TMEM117: variants seen among roughly 807,000 people sequenced by gnomAD.
TMEM117 encodes transmembrane protein 117.
In TMEM117, 27 loss-of-function variants were observed where a neutral mutation model predicts 52.4. That is an observed-to-expected ratio of 0.51 (90% CI 0.38 to 0.71). The LOEUF is 0.71. Among genes scored for constraint, TMEM117 ranks in the 30% least tolerant of loss-of-function variants. TMEM117 has a pLI of 0.00. For missense variants in TMEM117, 556 were observed against 630.5 expected (o/e 0.88, Z 1.26); for synonymous variants, 215 against 206.3 (o/e 1.04, Z -0.36).
intron 4 of TMEM117, among the ~76,000 whole-genome samples, chr12:44,161,527 G>C (rs1260105653): frequency 6.6e-6 from 1 of 152,164 alleles, no homozygotes; most frequent in East Asian, 1.9e-4. Context: ...CACCTTATAA[G>C]AGTTTTGCTA....
intron 6 of TMEM117, among the ~76,000 whole-genome samples, chr12:44,374,616 TTGTG>T (rs5742462): frequency 0.018 from 2,675 of 144,868 alleles, 22 homozygotes; most frequent in African/African-American, 0.032. Context: ...AAGGAACTAT[TTGTG>T]TGTGTGTGTG....
chr12:44,171,655 ACC>A (rs1949048474), intron 4 of TMEM117, among the ~76,000 whole-genome samples: 1 of 152,114 alleles, frequency 6.6e-6, no homozygotes, highest in African/African-American at 2.4e-5. Context: ...AAATCGTTTT[ACC>A]CATTCAGTGG....
At chr12:44,322,348 A>T (rs904354376) in intron 6 of TMEM117, among the ~76,000 whole-genome samples, 4 of 152,198 alleles carry the variant, frequency 2.6e-5, no homozygotes, top group Non-Finnish European at 4.4e-5. Flanking sequence ...ATGATAGAAC[A>T]TCTTTTTAAA....
rs76229168 is a variant in TMEM117, at chr12:43,957,594, A to G, written c.410+13252A>G. ...GTACCCTGAACCAGTCTATTTAGAA[A>G]TTATTTATTTGGTATTAATAAAGAG... On this transcript the variant is annotated intron_variant, in intron 3 of 7. Transcript: ENST00000266534. Among the ~76,000 whole-genome samples the G allele has an allele frequency of 2.2e-4, 33 of 152,294 alleles. 1 individual carries two copies. The East Asian group carries it at 5.6e-3, about 26-fold the overall frequency.
At chr12:44,167,815 A>G (rs1948989443) in intron 4 of TMEM117, among the ~76,000 whole-genome samples, 2 of 152,182 alleles carry the variant, frequency 1.3e-5, no homozygotes, top group African/African-American at 4.8e-5. Context: ...CACAGTTCTG[A>G]GGTCTGCATT....
Position 43,839,305 on chromosome 12 carries a change from C to T in TMEM117, c.-29+3109C>T, listed in dbSNP as rs552041704. On this transcript the variant is annotated intron_variant, in intron 1 of 7. Transcript: ENST00000266534. ...TGTGTCCCTCCTCTGCTTCCTGTCC[C>T]ACTCAGGGTGAAAGCCCACATACGA... 2.6e-5 allele frequency among the ~76,000 whole-genome samples: 4 copies of T among 152,278 alleles called. No individual in the cohort carries two copies. The East Asian group carries it at 7.7e-4, about 29-fold the overall frequency.
intron 3 of TMEM117, among the ~76,000 whole-genome samples, chr12:44,129,351 C>A (rs1015996232): frequency 1.3e-5 from 2 of 152,178 alleles, no homozygotes; most frequent in African/African-American, 4.8e-5. Flanking sequence ...TCAGGTCTTT[C>A]ACAAGAAGCC....
chr12:43,831,332 T>A (rs1472904733), upstream of TMEM117, among the ~76,000 whole-genome samples: 3 of 152,226 alleles, frequency 2.0e-5, no homozygotes, highest in African/African-American at 7.2e-5. Flanking sequence ...AGGTTACTGA[T>A]GATTACACCT....
chr12:44,093,397 T>TA (rs1277358263), intron 3 of TMEM117, among the ~76,000 whole-genome samples: 1 of 152,194 alleles, frequency 6.6e-6, no homozygotes, highest in Non-Finnish European at 1.5e-5. Context: ...GAAATGTTTT[T>TA]AACCTGTTTT....
chr12:43,997,582 A>G (rs923364425), intron 3 of TMEM117, among the ~76,000 whole-genome samples: 6 of 152,220 alleles, frequency 3.9e-5, no homozygotes, highest in South Asian at 2.1e-4. Context: ...TCTAAAAATA[A>G]GAACACCTTA....
intron 2 of TMEM117, among the ~76,000 whole-genome samples, chr12:43,864,093 G>A (rs1162199072): frequency 6.6e-6 from 1 of 152,188 alleles, no homozygotes; most frequent in Non-Finnish European, 1.5e-5. Flanking sequence ...CACCAGCGCT[G>A]CGCTGGATTT....
In TMEM117 at chr12:44,189,742, T is replaced by A. The variant is rs1643430; in HGVS notation, c.511-21548T>A. Among the ~76,000 whole-genome samples the A allele has an allele frequency of 5.3e-3, 800 of 152,284 alleles. 3 individuals carry two copies. The highest frequency in any genetic ancestry group is 7.9e-3 in the Non-Finnish European group (537 of 68,016). On this transcript the variant is annotated intron_variant, in intron 4 of 7. Transcript: ENST00000266534. ...ATTCCTCAGTACTTAAGGAGAGAAC[T>A]TAGAAGTCCTGTAAAATCAACTTTT...
the TMEM117 span, among the ~76,000 whole-genome samples, chr12:44,395,804 A>T: frequency 6.6e-6 from 1 of 152,190 alleles, no homozygotes; most frequent in South Asian, 2.1e-4. Flanking sequence ...GAAGTGGCAT[A>T]TATCACTTCT....
chr12:44,323,135 A>G (rs1951153933), intron 6 of TMEM117, among the ~76,000 whole-genome samples: 1 of 152,166 alleles, frequency 6.6e-6, no homozygotes, highest in Non-Finnish European at 1.5e-5. Context: ...TACAATCAAT[A>G]AAAGGCAAAG....
chr12:44,144,496 T>A (rs1022042798), intron 4 of TMEM117, among the ~76,000 whole-genome samples: 1 of 152,200 alleles, frequency 6.6e-6, no homozygotes. Flanking sequence ...GGCATGGACA[T>A]GTCCCTGCAG....
At chr12:43,946,389 T>C (rs1312093480) in intron 3 of TMEM117, among the ~76,000 whole-genome samples, 1 of 22,648 alleles carries the variant, frequency 4.4e-5, no homozygotes, top group Non-Finnish European at 2.3e-4. Flanking sequence ...TTTTTTTTTT[T>C]TTTTTGTTTG....
chr12:43,931,182 A>G (rs1944865808), intron 2 of TMEM117, among the ~76,000 whole-genome samples: 1 of 152,220 alleles, frequency 6.6e-6, no homozygotes, highest in Non-Finnish European at 1.5e-5. Context: ...CTTGTCATTT[A>G]TTTGCCATCA....
intron 5 of TMEM117, among the ~76,000 whole-genome samples, chr12:44,230,282 T>C (rs897326353): frequency 1.3e-5 from 2 of 152,092 alleles, no homozygotes; most frequent in Non-Finnish European, 2.9e-5. Flanking sequence ...GTGATCAAAT[T>C]AGCTTGGTTT....
chr12:43,899,341 T>A (rs1167165534), intron 2 of TMEM117, among the ~76,000 whole-genome samples: 1 of 152,254 alleles, frequency 6.6e-6, no homozygotes, highest in Non-Finnish European at 1.5e-5. Context: ...TTTATGTTGA[T>A]AATTTGTAAA....
Sources: gnomAD v4.1 joint callset for allele counts (sites outside exome capture counted in the v4.1 genomes callset) on GRCh38, gnomAD v4.1.1 for gene constraint, MANE v1.5 for transcripts, NCBI Gene and HGNC (gene_info 2026-07-23, HGNC 2026-07-21) for gene names.